Variants in KCNH8 observed in about 807,000 individuals in gnomAD.
KCNH8 encodes voltage-gated delayed rectifier potassium channel KCNH8.
In KCNH8, 70 loss-of-function variants were observed where a neutral mutation model predicts 103.6. The observed-to-expected ratio is 0.68, with a 90% CI of 0.56 to 0.82. The LOEUF (loss-of-function observed/expected upper bound fraction) is 0.82. KCNH8 is among the 40% of genes least tolerant of loss of function. The pLI, the probability that KCNH8 is intolerant of heterozygous loss-of-function variation, is 0.00. For synonymous variants in KCNH8, 498 were observed against 489.4 expected (o/e 1.02, Z -0.23); for missense variants, 1,217 against 1,329.9 (o/e 0.92, Z 1.32).
At chr3:19,510,619 A>C (rs2068767886) in intron 12 of KCNH8, among the ~76,000 whole-genome samples, 1 of 152,220 alleles carries the variant, frequency 6.6e-6, no homozygotes, top group South Asian at 2.1e-4. Context: ...ATTGTTATAA[A>C]GCAGTTTGTT....
chr3:19,512,678 T>C (rs546410390), intron 12 of KCNH8, among the ~76,000 whole-genome samples: 1 of 152,242 alleles, frequency 6.6e-6, no homozygotes, highest in South Asian at 2.1e-4. Context: ...AAACCTGGTA[T>C]AATGCACCTT....
At position 19,530,242 on chromosome 3, in the gene KCNH8, T is replaced by C. The variant is rs1444744078; in HGVS notation, c.2620-3153T>C. 3.9e-5 allele frequency among the ~76,000 whole-genome samples: 6 copies of C among 152,180 alleles called. No individual in the cohort carries two copies. In the South Asian group the frequency reaches 8.3e-4, roughly 21 times the overall value. Reference sequence around the variant, plus strand: ...GAGTAAGTGCCACTGTTTGACAGCATAGTAAGGTGATATAATTAACAATCA... The same window carrying C: ...GAGTAAGTGCCACTGTTTGACAGCACAGTAAGGTGATATAATTAACAATCA... On this transcript the variant is annotated intron_variant, in intron 15 of 15. Coordinates refer to ENST00000328405, the MANE Select transcript of KCNH8 (RefSeq NM_144633.3).
chr3:19,426,656 A>C (rs2125161869), intron 7 of KCNH8, among the ~76,000 whole-genome samples: 1 of 151,900 alleles, frequency 6.6e-6, no homozygotes, highest in Non-Finnish European at 1.5e-5. Context: ...ATAGCCGCTG[A>C]GTTTGCTGTT....
At chr3:19,375,253 T>G (rs1223093660) in intron 5 of KCNH8, among the ~76,000 whole-genome samples, 1 of 151,630 alleles carries the variant, frequency 6.6e-6, no homozygotes, top group Non-Finnish European at 1.5e-5. Context: ...CAATCAGACG[T>G]AGATTTGGTC....
chr3:19,202,683 T>A (rs983531185), intron 1 of KCNH8, among the ~76,000 whole-genome samples: 1 of 151,300 alleles, frequency 6.6e-6, no homozygotes, highest in Non-Finnish European at 1.5e-5. Flanking sequence ...AGTCTGTAAC[T>A]TTTTGTTATT....
At chr3:19,263,086 T>C (rs1208952588) in intron 2 of KCNH8, among the ~76,000 whole-genome samples, 1 of 152,028 alleles carries the variant, frequency 6.6e-6, no homozygotes, top group Non-Finnish European at 1.5e-5. Context: ...AGCATCCAAG[T>C]GAGCCTGGAG....
chr3:19,169,255 CT>C (rs768036667), intron 1 of KCNH8, among the ~76,000 whole-genome samples: 2,434 of 124,868 alleles, frequency 0.019, 31 homozygotes, highest in African/African-American at 0.067. Context: ...TTCTTTCTTT[CT>C]TTTTTTTTTT....
rs528129635 is a variant in KCNH8, at chr3:19,413,427, G to A, written c.1177+18116G>A. 2.6e-5 allele frequency among the ~76,000 whole-genome samples: 4 copies of A among 152,050 alleles called. No homozygotes were observed. The East Asian group carries it at 7.7e-4, about 29-fold the overall frequency. On this transcript the variant is annotated intron_variant, in intron 7 of 15. Transcript: ENST00000328405. ...GGCAAGAGTTGAAAAACTAACTGTT[G>A]GGTACTATGCTCACTACGTGGGTGA...
intron 3 of KCNH8, among the ~76,000 whole-genome samples, chr3:19,327,799 A>C (rs1167079547): frequency 6.6e-6 from 1 of 152,142 alleles, no homozygotes; most frequent in Admixed American, 6.6e-5. Context: ...TAGACCTCCA[A>C]ATCAATGCCG....
At chr3:19,341,402 C>CAACT (rs1262247429) in intron 3 of KCNH8, among the ~76,000 whole-genome samples, 5 of 152,074 alleles carry the variant, frequency 3.3e-5, no homozygotes, top group African/African-American at 1.2e-4. Context: ...ACCAGACCAT[C>CAACT]AACTAATGTT....
intron 11 of KCNH8, among the ~76,000 whole-genome samples, chr3:19,506,100 TC>T (rs2068687989): frequency 6.6e-6 from 1 of 152,194 alleles, no homozygotes; most frequent in Admixed American, 6.5e-5. Flanking sequence ...GTACTGACTT[TC>T]TCCTGAATCT....
At chr3:19,270,279 C>T (rs947577313) in intron 2 of KCNH8, among the ~76,000 whole-genome samples, 2 of 152,120 alleles carry the variant, frequency 1.3e-5, no homozygotes, top group Admixed American at 1.3e-4. Context: ...GTTTGCTGAC[C>T]TTTGAAGATG....
At chr3:19,439,844 G>C (rs1215094042) in intron 8 of KCNH8, among the ~76,000 whole-genome samples, 1 of 151,780 alleles carries the variant, frequency 6.6e-6, no homozygotes, top group Admixed American at 6.6e-5. Context: ...AGAAAAAAGG[G>C]AATAGATATT....
intron 10 of KCNH8, among the ~76,000 whole-genome samples, chr3:19,451,832 T>C (rs569925808): frequency 1.3e-5 from 2 of 152,256 alleles, no homozygotes; most frequent in South Asian, 4.1e-4. Flanking sequence ...GTACTAGAAA[T>C]AGAGCAAAGG....
intron 7 of KCNH8, among the ~76,000 whole-genome samples, chr3:19,407,409 A>G (rs2125144603): frequency 6.6e-6 from 1 of 152,102 alleles, no homozygotes; most frequent in East Asian, 1.9e-4. Flanking sequence ...CCCTGCCTAG[A>G]CATAGATTGT....
At chr3:19,509,628 T>C (rs2068750446) in intron 11 of KCNH8, among the ~76,000 whole-genome samples, 1 of 152,214 alleles carries the variant, frequency 6.6e-6, no homozygotes, top group Non-Finnish European at 1.5e-5. Flanking sequence ...TATATATTTT[T>C]CCCCACATTT....
intron 3 of KCNH8, among the ~76,000 whole-genome samples, chr3:19,328,297 A>AT (rs2065459223): frequency 6.6e-6 from 1 of 151,888 alleles, no homozygotes; most frequent in Non-Finnish European, 1.5e-5. Flanking sequence ...TCCATATGAA[A>AT]TTTTTTCTTT....
intron 11 of KCNH8, among the ~76,000 whole-genome samples, chr3:19,458,889 G>A (rs1200854108): frequency 1.3e-5 from 2 of 151,974 alleles, no homozygotes; most frequent in Non-Finnish European, 2.9e-5. Context: ...TAAGCATAAT[G>A]ACCTCCAGTT....
intron 3 of KCNH8, among the ~76,000 whole-genome samples, chr3:19,301,707 A>G (rs1424481039): frequency 6.6e-6 from 1 of 152,174 alleles, no homozygotes; most frequent in East Asian, 1.9e-4. Flanking sequence ...TTACTCCCAT[A>G]AAATTGTGCC....
Sources: gnomAD v4.1 joint callset for allele counts (sites outside exome capture counted in the v4.1 genomes callset) on GRCh38, gnomAD v4.1.1 for gene constraint, MANE v1.5 for transcripts, NCBI Gene and HGNC (gene_info 2026-07-23, HGNC 2026-07-21) for gene names.